Variants in MIB1 observed in about 807,000 individuals in gnomAD.
The protein encoded by MIB1 is E3 ubiquitin-protein ligase MIB1.
Under a neutral mutation model 124.5 loss-of-function variants are expected in MIB1, and 278 were observed. The observed-to-expected ratio is 2.23, with a 90% CI of 2.02 to 2.47. MIB1 has a LOEUF of 2.47. Ranked by LOEUF, MIB1 falls within the 30% of genes most tolerant of loss-of-function variation. The probability of loss-of-function intolerance (pLI) is 0.00; values close to 1 mark genes in which losing one functional copy is unlikely to be tolerated. For missense variants in MIB1, 957 were observed against 1,254.4 expected (o/e 0.76, Z 3.58); for synonymous variants, 446 against 429.4 (o/e 1.04, Z -0.48).
At chr18:21,863,196 C>G (rs1475233360) in intron 20 of MIB1, among the ~76,000 whole-genome samples, 2 of 152,206 alleles carry the variant, frequency 1.3e-5, no homozygotes, top group Non-Finnish European at 2.9e-5. Context: ...GACTCCAAAG[C>G]CCCTGAGGGC....
intron 11 of MIB1, among the ~76,000 whole-genome samples, chr18:21,817,401 C>T (rs567051846): frequency 1.1e-4 from 17 of 152,030 alleles, no homozygotes; most frequent in African/African-American, 3.1e-4. Context: ...CTGGGATTAC[C>T]GGTGTGAGCC....
intron 13 of MIB1, among the ~76,000 whole-genome samples, chr18:21,839,615 C>A (rs2042063822): frequency 6.6e-6 from 1 of 152,176 alleles, no homozygotes; most frequent in African/African-American, 2.4e-5. Flanking sequence ...AGCAGTCCTC[C>A]TGCCTCCCAA....
intron 3 of MIB1, among the ~76,000 whole-genome samples, chr18:21,771,160 T>A (rs935171522): frequency 6.6e-5 from 10 of 152,216 alleles, no homozygotes; most frequent in Non-Finnish European, 5.9e-5. Context: ...CTAATGGTTT[T>A]AACAGCTGTT....
Position 21,819,630 on chromosome 18 carries a change from C to T in MIB1, c.1813C>T (p.Leu605=), listed in dbSNP as rs1317372857. The change falls in exon 12 of 21, where the codon CTA becomes TTA. Residue 605 remains leucine (L), a synonymous_variant. Transcript: ENST00000261537. ...ATTTAATGCTCTGCATCATGCTGCACTAAGGGGAAATCCCAGGTATGTCAC... is the reference window on the plus strand; with the variant it reads ...ATTTAATGCTCTGCATCATGCTGCATTAAGGGGAAATCCCAGGTATGTCAC... ...NGFNALHHAA[L]RGNPSAMRVL... The T allele has an allele frequency of 1.9e-6, 3 of 1,564,058 alleles. No homozygotes were observed. The highest frequency in any genetic ancestry group is 1.3e-5 in the South Asian group (1 of 79,756).
chr18:21,767,506 A>G (rs1210411716), intron 2 of MIB1, among the ~76,000 whole-genome samples: 11 of 152,106 alleles, frequency 7.2e-5, no homozygotes, highest in Admixed American at 7.2e-4. Flanking sequence ...GACACAACCA[A>G]ATCATATCAA....
chr18:21,719,967 A>G (rs367946058), intron 1 of MIB1, among the ~76,000 whole-genome samples: 2 of 152,322 alleles, frequency 1.3e-5, no homozygotes, highest in East Asian at 3.9e-4. Flanking sequence ...CAAATATGAG[A>G]TATCTAAGAA....
At chr18:21,850,061 TG>T (rs2146512104) in intron 17 of MIB1, among the ~76,000 whole-genome samples, 1 of 152,246 alleles carries the variant, frequency 6.6e-6, no homozygotes, top group South Asian at 2.1e-4. Flanking sequence ...CTGTAATTAG[TG>T]ATGGCCAAAA....
At chr18:21,716,779 G>A (rs1044248689) in intron 1 of MIB1, among the ~76,000 whole-genome samples, 12 of 152,176 alleles carry the variant, frequency 7.9e-5, no homozygotes, top group Admixed American at 7.2e-4. Flanking sequence ...GTGAAGCCGG[G>A]AGGTGGAGCT....
chr18:21,861,328 C>T (rs2042274652), intron 20 of MIB1, among the ~76,000 whole-genome samples: 1 of 151,816 alleles, frequency 6.6e-6, no homozygotes. Context: ...ATTTGAAGCT[C>T]CTAGCATCTT....
chr18:21,761,091 T>C (rs2041092762), intron 1 of MIB1, among the ~76,000 whole-genome samples: 1 of 152,192 alleles, frequency 6.6e-6, no homozygotes, highest in African/African-American at 2.4e-5. Context: ...TTGCTTTAAA[T>C]CAATATGTAA....
intron 7 of MIB1, among the ~76,000 whole-genome samples, chr18:21,792,180 C>A (rs77309608): frequency 0.021 from 3,200 of 152,034 alleles, 57 homozygotes; most frequent in Admixed American, 0.032. Context: ...CTTCTGTTTC[C>A]CTTCCTCCTC....
intron 10 of MIB1, among the ~76,000 whole-genome samples, chr18:21,812,699 G>A (rs1034920127): frequency 6.6e-6 from 1 of 152,150 alleles, no homozygotes; most frequent in Non-Finnish European, 1.5e-5. Context: ...GGAAAATGGA[G>A]AGAGAATAGG....
intron 1 of MIB1, among the ~76,000 whole-genome samples, chr18:21,732,699 A>G (rs2040777558): frequency 6.6e-6 from 1 of 152,158 alleles, no homozygotes; most frequent in Non-Finnish European, 1.5e-5. Flanking sequence ...TTTTAAGATT[A>G]GGAAACAAAC....
intron 1 of MIB1, among the ~76,000 whole-genome samples, chr18:21,756,821 A>T (rs963150754): frequency 3.9e-5 from 6 of 152,182 alleles, no homozygotes; most frequent in African/African-American, 9.7e-5. Context: ...ACTCCTATGT[A>T]AAAAAATGCC....
chr18:21,855,929 A>C (rs2042221799), intron 18 of MIB1, among the ~76,000 whole-genome samples: 1 of 152,252 alleles, frequency 6.6e-6, no homozygotes, highest in Non-Finnish European at 1.5e-5. Flanking sequence ...GATGTAAGGT[A>C]GTATTAACAA....
chr18:21,835,840 A>ACACACACACAAACACAAACAC (rs1555695330), intron 12 of MIB1, among the ~76,000 whole-genome samples: 1 of 108,056 alleles, frequency 9.3e-6, no homozygotes, highest in Non-Finnish European at 1.8e-5. Context: ...CACACACACA[A>ACACACACACAAACACAAACAC]ACACACACGA....
intron 12 of MIB1, chr18:21,831,428 A>G (rs2041981558): frequency 6.6e-6 from 1 of 152,098 alleles, no homozygotes; most frequent in African/African-American, 2.4e-5. Flanking sequence ...AAACTGTTAC[A>G]GCTTTATAGG....
chr18:21,832,973 A>G (rs192425545), intron 12 of MIB1, among the ~76,000 whole-genome samples: 100 of 152,322 alleles, frequency 6.6e-4, no homozygotes, highest in Admixed American at 2.5e-3. Context: ...CCCTTTATAA[A>G]TATTAACTCA....
chr18:21,803,896 A>T lies in MIB1; in HGVS notation c.1372-11A>T, dbSNP rs773264935. ...CATTCATTCTTTCATTCTTTTTTTT[A>T]AAAAATGTAGGTAAATGGGCAATGT... On this transcript the variant is annotated splice_polypyrimidine_tract_variant and intron_variant, in intron 9 of 20. Transcript: ENST00000261537. The T allele has an allele frequency of 7.6e-5, 121 of 1,593,792 alleles. 1 individual carries two copies. The highest frequency in any genetic ancestry group is 7.0e-4 in the Middle Eastern group (4 of 5,726).
Sources: allele counts gnomAD v4.1 joint callset (sites outside exome capture counted in the v4.1 genomes callset), GRCh38; gene constraint gnomAD v4.1.1; transcripts MANE v1.5; gene names NCBI Gene and HGNC (gene_info 2026-07-23, HGNC 2026-07-21).